ARHGAP15: variants seen among roughly 807,000 people sequenced by gnomAD.
The protein encoded by ARHGAP15 is rho GTPase-activating protein 15.
Under a neutral mutation model 63.7 loss-of-function variants are expected in ARHGAP15, and 51 were observed. That is an observed-to-expected ratio of 0.80 (90% CI 0.64 to 1.01). The LOEUF is 1.01. ARHGAP15 is among the 50% of genes least tolerant of loss of function. ARHGAP15 has a pLI of 0.00. For missense variants in ARHGAP15, 560 were observed against 564.6 expected (o/e 0.99, Z 0.08); for synonymous variants, 191 against 193.8 (o/e 0.99, Z 0.12).
At chr2:143,213,283 G>C (rs1046754106) in intron 3 of ARHGAP15, among the ~76,000 whole-genome samples, 1 of 152,148 alleles carries the variant, frequency 6.6e-6, no homozygotes, top group Non-Finnish European at 1.5e-5. Context: ...GGAGGCCGAG[G>C]TGGGTGGATC....
intron 8 of ARHGAP15, among the ~76,000 whole-genome samples, chr2:143,441,785 A>G (rs1254858880): frequency 6.6e-6 from 1 of 152,188 alleles, no homozygotes. Flanking sequence ...GAGAGCTAAA[A>G]GGAAATGGGT....
chr2:143,141,207 A>T (rs570374314), intron 1 of ARHGAP15, among the ~76,000 whole-genome samples: 64 of 152,182 alleles, frequency 4.2e-4, no homozygotes, highest in African/African-American at 1.5e-3. Context: ...AGTCATTCTA[A>T]TCTTGGTGGC....
chr2:143,187,807 A>G (rs1052222231), intron 2 of ARHGAP15, among the ~76,000 whole-genome samples: 2 of 152,226 alleles, frequency 1.3e-5, no homozygotes, highest in Non-Finnish European at 2.9e-5. Context: ...GCTCTCATTT[A>G]TCCAATTAGG....
intron 13 of ARHGAP15, among the ~76,000 whole-genome samples, chr2:143,744,718 G>T (rs369395521): frequency 5.0e-4 from 76 of 152,162 alleles, no homozygotes; most frequent in Non-Finnish European, 1.0e-3. Flanking sequence ...ACCAACATTA[G>T]TACATCTTTT....
At chr2:143,250,806 T>G (rs1449005319) in intron 6 of ARHGAP15, among the ~76,000 whole-genome samples, 1 of 152,070 alleles carries the variant, frequency 6.6e-6, no homozygotes, top group Non-Finnish European at 1.5e-5. Flanking sequence ...AAACACAAAA[T>G]GTATGTTGCA....
intron 11 of ARHGAP15, among the ~76,000 whole-genome samples, chr2:143,619,575 T>A (rs1295495217): frequency 6.6e-6 from 1 of 152,190 alleles, no homozygotes; most frequent in Non-Finnish European, 1.5e-5. Context: ...TTCCTAGGAT[T>A]GGACTATAAC....
rs527503763 is a variant in ARHGAP15, at chr2:143,517,439, C to T, written c.827-1827C>T. 4.6e-5 allele frequency among the ~76,000 whole-genome samples: 7 copies of T among 152,248 alleles called. No homozygotes were observed. In the South Asian group the frequency reaches 1.5e-3, roughly 32 times the overall value. ...CATTATTTTATGCTGCATTATTATTCTATCTAATTTTACATATACTTTAAA... is the reference window on the plus strand; with the variant it reads ...CATTATTTTATGCTGCATTATTATTTTATCTAATTTTACATATACTTTAAA... On this transcript the variant is annotated intron_variant, in intron 9 of 13. Coordinates refer to ENST00000295095, the MANE Select transcript of ARHGAP15 (RefSeq NM_018460.4).
intron 1 of ARHGAP15, among the ~76,000 whole-genome samples, chr2:143,147,565 C>T (rs187377578): frequency 1.3e-3 from 197 of 152,084 alleles, no homozygotes; most frequent in African/African-American, 4.7e-3. Context: ...TTTTTACTAC[C>T]TGCCTGATCA....
intron 6 of ARHGAP15, among the ~76,000 whole-genome samples, chr2:143,255,082 C>T (rs79787709): frequency 0.039 from 5,900 of 152,062 alleles, 221 homozygotes; most frequent in East Asian, 0.19. Context: ...CCTCAGTTTT[C>T]CTGAGCTTCC....
intron 12 of ARHGAP15, among the ~76,000 whole-genome samples, chr2:143,688,864 A>T (rs1488659099): frequency 6.6e-6 from 1 of 152,204 alleles, no homozygotes; most frequent in East Asian, 1.9e-4. Context: ...GAATATTTGT[A>T]GAATGATGCT....
At chr2:143,440,079 A>G (rs540464713) in intron 8 of ARHGAP15, among the ~76,000 whole-genome samples, 1 of 152,094 alleles carries the variant, frequency 6.6e-6, no homozygotes, top group South Asian at 2.1e-4. Context: ...GCAATGTAGG[A>G]CACAGTTAAT....
chr2:143,455,679 C>A (rs57438700), intron 8 of ARHGAP15, among the ~76,000 whole-genome samples: 9,780 of 152,044 alleles, frequency 0.064, 491 homozygotes, highest in East Asian at 0.22. Flanking sequence ...ATTAACAAAA[C>A]GAATATAGTA....
intron 8 of ARHGAP15, among the ~76,000 whole-genome samples, chr2:143,473,505 A>G (rs1400765414): frequency 6.6e-6 from 1 of 152,140 alleles, no homozygotes; most frequent in East Asian, 1.9e-4. Flanking sequence ...TTCTGCTTTG[A>G]CAGTTTGGAG....
intron 6 of ARHGAP15, among the ~76,000 whole-genome samples, chr2:143,376,945 C>T (rs1021701567): frequency 3.3e-5 from 5 of 151,986 alleles, no homozygotes; most frequent in Non-Finnish European, 5.9e-5. Flanking sequence ...TAAATACTTT[C>T]CTGTAATGCC....
chr2:143,386,461 A>G (rs918725175), intron 6 of ARHGAP15, among the ~76,000 whole-genome samples: 6 of 152,210 alleles, frequency 3.9e-5, no homozygotes, highest in East Asian at 1.9e-4. Flanking sequence ...AAGGAGAAAA[A>G]TCAATGCCTA....
chr2:143,332,761 TC>T (rs1042825616), intron 6 of ARHGAP15, among the ~76,000 whole-genome samples: 5 of 152,148 alleles, frequency 3.3e-5, no homozygotes. Flanking sequence ...TCAAAACAGT[TC>T]CTTACATTGT....
chr2:143,286,318 A>T (rs1360644055), intron 6 of ARHGAP15, among the ~76,000 whole-genome samples: 1 of 152,212 alleles, frequency 6.6e-6, no homozygotes, highest in Non-Finnish European at 1.5e-5. Flanking sequence ...TGTTATTTCT[A>T]ACAGACCACA....
Position 143,510,018 on chromosome 2 carries a change from TAAAAAAAAAAAA to T in ARHGAP15, c.827-9230_827-9219del, listed in dbSNP as rs35469918. 1.2e-3 allele frequency among the ~76,000 whole-genome samples: 59 copies of T among 48,828 alleles called. 1 individual carries two copies. Among genetic ancestry groups the T allele is most frequent in the East Asian group, 9.3e-3 (12 of 1,288 alleles). The allele number at this position is 48,828 out of a possible 152,430, so 32.0% of individuals were successfully genotyped here. A position where few individuals can be genotyped will look rare whatever the true frequency, so the allele number is the denominator to read the frequency against. On this transcript the variant is annotated intron_variant, in intron 9 of 13. Transcript: ENST00000295095. ...CTGGCGACAGAGTAAGACTCCCTCT[TAAAAAAAAAAAA>T]AAAAAAAAAAAAAAAAATAGAAACA...
chr2:143,524,453 C>A (rs765279386), intron 10 of ARHGAP15, among the ~76,000 whole-genome samples: 1 of 152,140 alleles, frequency 6.6e-6, no homozygotes, highest in African/African-American at 2.4e-5. Flanking sequence ...CTGTTTACAA[C>A]CCACTAAAAA....
Sources: gnomAD v4.1 joint callset for allele counts (sites outside exome capture counted in the v4.1 genomes callset) on GRCh38, gnomAD v4.1.1 for gene constraint, MANE v1.5 for transcripts, NCBI Gene and HGNC (gene_info 2026-07-23, HGNC 2026-07-21) for gene names.